The following GSE1 variants were observed in gnomAD, a reference collection of about 807,000 sequenced individuals.
GSE1 encodes the protein Gse1 coiled-coil protein, also known as genetic suppressor element 1.
In GSE1, 32 loss-of-function variants were observed where a neutral mutation model predicts 112.6. The observed-to-expected ratio is 0.28, with a 90% CI of 0.21 to 0.38. GSE1 has a LOEUF of 0.38. Ranked by LOEUF, GSE1 falls within the 10% of genes least tolerant of loss-of-function variation. The pLI is 1.00. For synonymous variants in GSE1, 1,115 were observed against 735.6 expected (o/e 1.52, Z -8.35); for missense variants, 2,348 against 1,699.2 (o/e 1.38, Z -6.71).
intron 1 of GSE1, among the ~76,000 whole-genome samples, chr16:85,588,080 T>G (rs1203847723): frequency 6.6e-6 from 1 of 152,206 alleles, no homozygotes; most frequent in Non-Finnish European, 1.5e-5. Context: ...GATTCACTGC[T>G]GCACCCACCC....
At chr16:85,480,526 C>T (rs1195018759) in intron 2 of GSE1, among the ~76,000 whole-genome samples, 2 of 152,214 alleles carry the variant, frequency 1.3e-5, no homozygotes, top group East Asian at 3.9e-4. Context: ...AAGGGACACC[C>T]GTTCTTTGTC....
intron 1 of GSE1, among the ~76,000 whole-genome samples, chr16:85,577,972 C>G (rs2046297407): frequency 6.6e-6 from 1 of 152,264 alleles, no homozygotes. Context: ...TGGCTCCAGG[C>G]AAGTTGCTTC....
In GSE1 at chr16:85,544,073, G is replaced by C. The variant is rs117671334; in HGVS notation, c.2465-89841G>C. 4.7e-4 allele frequency among the ~76,000 whole-genome samples: 71 copies of C among 152,268 alleles called. No individual in the cohort carries two copies. The East Asian group carries it at 0.012, about 25-fold the overall frequency. On this transcript the variant is annotated intron_variant, in intron 2 of 2. Coordinates refer to the GSE1 transcript ENST00000637419. Reference sequence around the variant, plus strand: ...TGATGTCGAACTCCTGGGCCCAAGTGATCCACCCACCTCGGCTTCCCACAG... The same window carrying C: ...TGATGTCGAACTCCTGGGCCCAAGTCATCCACCCACCTCGGCTTCCCACAG...
intron 1 of GSE1, among the ~76,000 whole-genome samples, chr16:85,319,286 C>T (rs910135814): frequency 3.9e-5 from 6 of 152,204 alleles, no homozygotes; most frequent in African/African-American, 1.4e-4. Flanking sequence ...GCGATCGGTG[C>T]CAGGGCACTG....
At chr16:85,466,385 C>T (rs969398731) in intron 2 of GSE1, among the ~76,000 whole-genome samples, 1 of 152,210 alleles carries the variant, frequency 6.6e-6, no homozygotes, top group Non-Finnish European at 1.5e-5. Context: ...GTGAACCCTG[C>T]GGATCCCTGT....
At chr16:85,557,231 G>A (rs1314083813) in intron 1 of GSE1, among the ~76,000 whole-genome samples, 2 of 152,230 alleles carry the variant, frequency 1.3e-5, no homozygotes, top group Non-Finnish European at 2.9e-5. Context: ...TGTGCCCCCT[G>A]GGGTCGGGGA....
intron 1 of GSE1, among the ~76,000 whole-genome samples, chr16:85,585,386 G>C (rs1485458948): frequency 6.6e-6 from 1 of 152,230 alleles, no homozygotes; most frequent in Non-Finnish European, 1.5e-5. Context: ...GCAGCCGAGA[G>C]GGCATTTTCA....
Position 85,178,817 on chromosome 16 carries a change from C to T in GSE1, c.2283+7010C>T, listed in dbSNP as rs901672463. Among the ~76,000 whole-genome samples, 4 of 129,078 alleles carry T rather than the reference C, an allele frequency of 3.1e-5. No individual in the cohort carries two copies. In the East Asian group the frequency reaches 1.0e-3, roughly 34 times the overall value. 84.7% of individuals were successfully genotyped at this position (129,078 alleles called of 152,430 possible). A position where few individuals can be genotyped will look rare whatever the true frequency, so the allele number is the denominator to read the frequency against. ...TGGGGGCCTGCCGTCTGCACAGTGA[C>T]GAGTGTCCTGGCAGGGGCTCGAGGT... On this transcript the variant is annotated intron_variant, in intron 1 of 2. Transcript: ENST00000637419.
At chr16:85,234,605 A>G (rs549158172) in intron 1 of GSE1, among the ~76,000 whole-genome samples, 26 of 152,322 alleles carry the variant, frequency 1.7e-4, no homozygotes, top group African/African-American at 6.3e-4. Flanking sequence ...ATTTACAGAC[A>G]GGAAAACCAA....
At chr16:85,236,514 T>C (rs1904683083) in intron 1 of GSE1, among the ~76,000 whole-genome samples, 1 of 152,152 alleles carries the variant, frequency 6.6e-6, no homozygotes, top group Non-Finnish European at 1.5e-5. Context: ...GAACGGCCTG[T>C]GCATAGGCCT....
intron 2 of GSE1, among the ~76,000 whole-genome samples, chr16:85,367,578 A>G (rs1282613636): frequency 6.6e-6 from 1 of 152,198 alleles, no homozygotes; most frequent in Non-Finnish European, 1.5e-5. Context: ...GTGGTCGCAG[A>G]GGCCTAAGGA....
At chr16:85,528,480 A>AT (rs11388377) in intron 2 of GSE1, among the ~76,000 whole-genome samples, 70,364 of 144,236 alleles carry the variant, frequency 0.49, 17,511 homozygotes, top group African/African-American at 0.62. Flanking sequence ...CCCCCGGCTA[A>AT]TTTTTTTTTT....
intron 2 of GSE1, among the ~76,000 whole-genome samples, chr16:85,476,970 A>T (rs1019112397): frequency 1.4e-5 from 2 of 147,300 alleles, no homozygotes; most frequent in South Asian, 4.3e-4. Context: ...TTGTTGACCA[A>T]CTGGAGTGCA....
intron 2 of GSE1, among the ~76,000 whole-genome samples, chr16:85,360,299 G>A (rs980705971): frequency 6.6e-5 from 10 of 152,102 alleles, no homozygotes; most frequent in Non-Finnish European, 1.3e-4. Flanking sequence ...CAGAGGTTGT[G>A]GGGGACCCCC....
upstream of GSE1, chr16:85,554,841 C>T (rs112592025): frequency 4.1e-6 from 4 of 982,276 alleles, no homozygotes; most frequent in Non-Finnish European, 4.8e-6. Flanking sequence ...GTTGGGCAGC[C>T]GGAGGGGGGG....
At chr16:85,587,345 A>G (rs185719509) in intron 1 of GSE1, among the ~76,000 whole-genome samples, 24 of 152,350 alleles carry the variant, frequency 1.6e-4, no homozygotes, top group Admixed American at 1.3e-3. Context: ...GCTATTAGCC[A>G]GTGTTAATTT....
At chr16:85,331,810 A>G (rs1169417905) in intron 1 of GSE1, among the ~76,000 whole-genome samples, 1 of 150,400 alleles carries the variant, frequency 6.6e-6, no homozygotes, top group Non-Finnish European at 1.5e-5. Context: ...AGCCTCCCGA[A>G]GTGCTGGGAT....
At chr16:85,179,541 C>G (rs1764456571) in intron 1 of GSE1, among the ~76,000 whole-genome samples, 1 of 152,142 alleles carries the variant, frequency 6.6e-6, no homozygotes, top group African/African-American at 2.4e-5. Flanking sequence ...CCTAGGGTCA[C>G]TGGAGATTTA....
intron 1 of GSE1, among the ~76,000 whole-genome samples, chr16:85,233,394 G>A (rs1468189902): frequency 6.6e-6 from 1 of 152,258 alleles, no homozygotes; most frequent in Non-Finnish European, 1.5e-5. Context: ...GCCCTCAGGT[G>A]GAGGCTGGGC....
Sources: allele counts gnomAD v4.1 joint callset (sites outside exome capture counted in the v4.1 genomes callset), GRCh38; gene constraint gnomAD v4.1.1; transcripts MANE v1.5; gene names NCBI Gene and HGNC (gene_info 2026-07-23, HGNC 2026-07-21).